HHIP: variants seen among roughly 807,000 people sequenced by gnomAD.
HHIP encodes hedgehog interacting protein.
In HHIP, 12 loss-of-function variants were observed where a neutral mutation model predicts 74.0. That is an observed-to-expected ratio of 0.16 (90% CI 0.10 to 0.26). The LOEUF is 0.26. Ranked by LOEUF, HHIP falls within the 10% of genes least tolerant of loss-of-function variation. The pLI, the probability that HHIP is intolerant of heterozygous loss-of-function variation, is 1.00. For synonymous variants in HHIP, 309 were observed against 311.6 expected (o/e 0.99, Z 0.09); for missense variants, 788 against 845.0 (o/e 0.93, Z 0.84).
At chr4:144,655,696 C>T (rs183599329) in intron 2 of HHIP, among the ~76,000 whole-genome samples, 1 of 152,126 alleles carries the variant, frequency 6.6e-6, no homozygotes, top group East Asian at 1.9e-4. Flanking sequence ...ATATCAAAAT[C>T]CACCACTTCT....
intron 4 of HHIP, among the ~76,000 whole-genome samples, chr4:144,690,378 A>T (rs1490493535): frequency 6.6e-6 from 1 of 152,222 alleles, no homozygotes; most frequent in Non-Finnish European, 1.5e-5. Flanking sequence ...GTGTCCTAGC[A>T]ATACCTGGAA....
Position 144,743,966 on chromosome 4 carries a change from A to C in HHIP, c.*6009A>C, listed in dbSNP as rs1227408747. On this transcript the variant is annotated 3_prime_UTR_variant, in exon 13 of 13. Coordinates refer to ENST00000296575, the MANE Select transcript of HHIP (RefSeq NM_022475.3). The stretch of plus-strand genomic sequence containing the variant: ...ATCTGAGACATGATTTTTCTGGAAC[A>C]AATTAAGATTTCATGTACAATAGAG... 1 of 152,158 alleles carries C rather than the reference A, an allele frequency of 6.6e-6. No homozygotes were observed. Among genetic ancestry groups the C allele is most frequent in the Non-Finnish European group, 1.5e-5 (1 of 67,986 alleles). 9.4% of individuals were successfully genotyped at this position (152,158 alleles called of 1,614,324 possible).
At chr4:144,735,927 G>A (rs1731103982) in intron 12 of HHIP, among the ~76,000 whole-genome samples, 1 of 151,922 alleles carries the variant, frequency 6.6e-6, no homozygotes, top group Non-Finnish European at 1.5e-5. Context: ...TATCTAGGAA[G>A]GAGTTATCAA....
chr4:144,717,615 G>A (rs1730492919), intron 10 of HHIP, among the ~76,000 whole-genome samples: 1 of 152,110 alleles, frequency 6.6e-6, no homozygotes, highest in South Asian at 2.1e-4. Flanking sequence ...TTATATGGAA[G>A]TAGTGGTGAT....
chr4:144,714,540 T>C (rs1730395114), intron 9 of HHIP, among the ~76,000 whole-genome samples, 192 bp downstream of exon 9: 2 of 152,166 alleles, frequency 1.3e-5, no homozygotes, highest in Admixed American at 1.3e-4. Context: ...AGATGCTCTC[T>C]CAACAGGCTT....
At chr4:144,736,178 C>A (rs1489405088) in intron 12 of HHIP, among the ~76,000 whole-genome samples, 1 of 144,686 alleles carries the variant, frequency 6.9e-6, no homozygotes, top group African/African-American at 2.5e-5. Context: ...CTCTGTCGCC[C>A]AGGCTGGAGG....
chr4:144,679,439 A>G (rs531248722), intron 4 of HHIP, among the ~76,000 whole-genome samples: 19 of 152,296 alleles, frequency 1.2e-4, no homozygotes, highest in Non-Finnish European at 2.5e-4. Flanking sequence ...TGTTTCAGTC[A>G]TGAAGTCTTT....
Position 144,707,069 on chromosome 4 carries a change from T to A in HHIP, c.984-18T>A. ...AATCTTTTAACAGTCATGGTATTGT[T>A]TTCTTCCCACAATGTAGAAAAAATC... On this transcript the variant is annotated intron_variant, in intron 5 of 12. Transcript: ENST00000296575. 1 of 1,611,054 alleles carries A rather than the reference T, an allele frequency of 6.2e-7. No individual in the cohort carries two copies. Among genetic ancestry groups the A allele is most frequent in the South Asian group, 1.1e-5 (1 of 91,008 alleles).
intron 8 of HHIP, among the ~76,000 whole-genome samples, chr4:144,713,536 C>T (rs150419811): frequency 6.6e-6 from 1 of 152,098 alleles, no homozygotes; most frequent in Non-Finnish European, 1.5e-5. Flanking sequence ...AGCTTTAGAG[C>T]TTTTCCATTA....
intron 11 of HHIP, among the ~76,000 whole-genome samples, chr4:144,727,306 C>G (rs1332239669): frequency 6.6e-6 from 1 of 152,134 alleles, no homozygotes; most frequent in Non-Finnish European, 1.5e-5. Context: ...CATGGGGGCT[C>G]TATCTTCATG....
intron 4 of HHIP, among the ~76,000 whole-genome samples, chr4:144,673,287 A>G (rs1729090230): frequency 6.6e-6 from 1 of 152,228 alleles, no homozygotes. Context: ...ATTTTTACAC[A>G]TGGTGTTTCC....
chr4:144,701,303 T>A (rs1201321777), intron 4 of HHIP, among the ~76,000 whole-genome samples: 1 of 148,508 alleles, frequency 6.7e-6, no homozygotes, highest in Non-Finnish European at 1.5e-5. Context: ...TAAGTTTTTA[T>A]GTAATTAAGC....
intron 4 of HHIP, among the ~76,000 whole-genome samples, chr4:144,678,821 T>C (rs1729248403): frequency 6.6e-6 from 1 of 152,242 alleles, no homozygotes; most frequent in Admixed American, 6.5e-5. Flanking sequence ...TTCTTTGCTA[T>C]TGTGAACAGT....
intron 4 of HHIP, among the ~76,000 whole-genome samples, chr4:144,698,520 G>T (rs1439539315): frequency 2.6e-5 from 4 of 152,152 alleles, no homozygotes; most frequent in Non-Finnish European, 5.9e-5. Flanking sequence ...ATCTCAGAAG[G>T]TATCCCCATT....
rs1728455240 is a variant in HHIP, at chr4:144,652,701, C to A, written c.376C>A (p.Pro126Thr). Reference protein sequence around the residue: ...SPHSQSLFHSPEREVLERDLV... With the variant: ...SPHSQSLFHSTEREVLERDLV... ...ACATTCTCAAAGCCTGTTCCACTCA[C>A]CTGAGAGAGAAGTCTTGGAAAGAGA... The change falls in exon 2 of 13, where the codon CCT becomes ACT. Residue 126 changes from proline to threonine, a missense_variant. Physicochemically the swap from Pro to Thr is conservative, Grantham distance 38. Coordinates refer to ENST00000296575, the MANE Select transcript of HHIP (RefSeq NM_022475.3). The A allele has an allele frequency of 6.2e-7, 1 of 1,611,388 alleles. No homozygotes were observed. The highest frequency in any genetic ancestry group is 8.5e-7 in the Non-Finnish European group (1 of 1,177,748).
At chr4:144,698,753 G>A (rs1188028136) in intron 4 of HHIP, among the ~76,000 whole-genome samples, 2 of 152,106 alleles carry the variant, frequency 1.3e-5, no homozygotes, top group Non-Finnish European at 2.9e-5. Context: ...AGGGAATAGT[G>A]CAGGTCAGAA....
At chr4:144,730,572 ACATTAAAG>A (rs1170655427) in intron 11 of HHIP, among the ~76,000 whole-genome samples, 1 of 152,152 alleles carries the variant, frequency 6.6e-6, no homozygotes, top group East Asian at 1.9e-4. Context: ...ATTAGATCGT[ACATTAAAG>A]CACCCAATTT....
At chr4:144,653,826 A>G (rs1413489818) in intron 2 of HHIP, among the ~76,000 whole-genome samples, 1 of 152,112 alleles carries the variant, frequency 6.6e-6, no homozygotes, top group Non-Finnish European at 1.5e-5. Context: ...GCTCCTTTGC[A>G]TCTAGCATAA....
intron 11 of HHIP, 124 bp from the exon 12 acceptor site, chr4:144,734,617 T>TTA: frequency 1.8e-6 from 1 of 571,324 alleles, no homozygotes; most frequent in Non-Finnish European, 2.7e-6. Context: ...CTGAGTCACT[T>TTA]AAAAAAAAAA....
Sources: gnomAD v4.1 joint callset for allele counts (sites outside exome capture counted in the v4.1 genomes callset) on GRCh38, gnomAD v4.1.1 for gene constraint, MANE v1.5 for transcripts, NCBI Gene and HGNC (gene_info 2026-07-23, HGNC 2026-07-21) for gene names.